The following ERC2 variants were observed in gnomAD, a reference collection of about 807,000 sequenced individuals.
ERC2 encodes the protein ERC protein 2.
A neutral mutation model predicts 114.8 loss-of-function variants in ERC2; 42 were observed. The observed-to-expected ratio is 0.37, with a 90% CI of 0.29 to 0.47. The LOEUF is 0.47. ERC2 is among the 20% of genes least tolerant of loss of function. ERC2 has a pLI of 0.99. For synonymous variants in ERC2, 454 were observed against 425.5 expected (o/e 1.07, Z -0.82); for missense variants, 939 against 1,150.7 (o/e 0.82, Z 2.66).
intron 15 of ERC2, among the ~76,000 whole-genome samples, chr3:55,716,373 T>A (rs892215540): frequency 1.3e-5 from 2 of 152,180 alleles, no homozygotes; most frequent in Admixed American, 1.3e-4. Context: ...TCAGCCTCCA[T>A]AACAGTTGGG....
intron 7 of ERC2, among the ~76,000 whole-genome samples, chr3:56,032,260 T>G (rs2149625609): frequency 6.6e-6 from 1 of 152,296 alleles, no homozygotes; most frequent in South Asian, 2.1e-4. Context: ...TATTCCTTGA[T>G]AGCAACACAA....
At chr3:56,446,455 G>T (rs2062566243) in intron 1 of ERC2, among the ~76,000 whole-genome samples, 1 of 151,978 alleles carries the variant, frequency 6.6e-6, no homozygotes, top group South Asian at 2.1e-4. Context: ...CATGAGGAAG[G>T]CTATATGTCC....
chr3:55,520,598 A>AT (rs1221581491), intron 17 of ERC2, among the ~76,000 whole-genome samples: 4 of 152,178 alleles, frequency 2.6e-5, no homozygotes, highest in African/African-American at 9.7e-5. Flanking sequence ...TTTCAGAAAA[A>AT]GAATACATAA....
At chr3:55,888,120 T>C (rs1421344077) in intron 14 of ERC2, among the ~76,000 whole-genome samples, 1 of 152,204 alleles carries the variant, frequency 6.6e-6, no homozygotes, top group Non-Finnish European at 1.5e-5. Context: ...AACAGATCTA[T>C]GAATCCCAGC....
intron 17 of ERC2, chr3:55,610,780 G>A (rs1276306032): frequency 6.6e-6 from 1 of 152,148 alleles, no homozygotes; most frequent in African/African-American, 2.4e-5. Flanking sequence ...CAAGAGTGAA[G>A]AAAAATGTAT....
chr3:56,390,706 G>A (rs1014929247), intron 2 of ERC2, among the ~76,000 whole-genome samples: 2 of 152,146 alleles, frequency 1.3e-5, no homozygotes, highest in East Asian at 3.8e-4. Context: ...CTTTGGTTTT[G>A]TTTTTAAGAG....
intron 7 of ERC2, among the ~76,000 whole-genome samples, chr3:56,056,141 A>G (rs1198659371): frequency 6.6e-6 from 1 of 152,142 alleles, no homozygotes; most frequent in Non-Finnish European, 1.5e-5. Context: ...ATCCTGTCTC[A>G]CCAGACCAAG....
At chr3:55,587,350 C>T in intron 17 of ERC2, among the ~76,000 whole-genome samples, 1 of 152,146 alleles carries the variant, frequency 6.6e-6, no homozygotes, top group African/African-American at 2.4e-5. Flanking sequence ...CTGCACCCAG[C>T]CTGCTTCTTT....
At chr3:55,715,436 G>C (rs1267187304) in intron 15 of ERC2, among the ~76,000 whole-genome samples, 1 of 152,130 alleles carries the variant, frequency 6.6e-6, no homozygotes, top group Admixed American at 6.5e-5. Flanking sequence ...ACAATGTATA[G>C]GCTAAAGTCA....
intron 15 of ERC2, among the ~76,000 whole-genome samples, chr3:55,715,403 TC>T (rs1180506763): frequency 6.6e-6 from 1 of 152,176 alleles, no homozygotes; most frequent in Non-Finnish European, 1.5e-5. Context: ...TCAGAAAATA[TC>T]TTTTAATAAT....
At chr3:55,568,372 T>A (rs1259048492) in intron 17 of ERC2, among the ~76,000 whole-genome samples, 1 of 152,132 alleles carries the variant, frequency 6.6e-6, no homozygotes, top group Non-Finnish European at 1.5e-5. Flanking sequence ...CAAGCAATAG[T>A]TAGCAGGCAT....
At chr3:55,655,031 A>T (rs1575965349) in intron 17 of ERC2, among the ~76,000 whole-genome samples, 1 of 152,112 alleles carries the variant, frequency 6.6e-6, no homozygotes, top group Non-Finnish European at 1.5e-5. Flanking sequence ...GCAGGTGAGG[A>T]GTGTGAGGGT....
chr3:56,361,401 G>T (rs1037603794), intron 2 of ERC2, among the ~76,000 whole-genome samples: 4 of 152,100 alleles, frequency 2.6e-5, no homozygotes, highest in African/African-American at 9.7e-5. Context: ...CAATATTTAG[G>T]ATTCTGAAGT....
chr3:55,554,120 T>C (rs1262819020), intron 17 of ERC2, among the ~76,000 whole-genome samples: 3 of 152,170 alleles, frequency 2.0e-5, no homozygotes, highest in Non-Finnish European at 4.4e-5. Flanking sequence ...CTTTGCATAA[T>C]TCTTTGCATA....
intron 7 of ERC2, among the ~76,000 whole-genome samples, chr3:56,033,063 A>AGAAAGAAAGAAAGAAAGAAAGAAG (rs1560058877): frequency 6.7e-6 from 1 of 149,154 alleles, no homozygotes; most frequent in African/African-American, 2.4e-5. Flanking sequence ...AAAGAAAGAA[A>AGAAAGAAAGAAAGAAAGAAAGAAG]GAAAGAAAGA....
chr3:56,440,390 T>C (rs2062235592), intron 1 of ERC2, among the ~76,000 whole-genome samples: 1 of 151,804 alleles, frequency 6.6e-6, no homozygotes, highest in Non-Finnish European at 1.5e-5. Flanking sequence ...AATAGTAAAG[T>C]ACAAAAAATT....
chr3:56,108,862 T>C (rs1427598795), intron 6 of ERC2, among the ~76,000 whole-genome samples: 1 of 152,056 alleles, frequency 6.6e-6, no homozygotes, highest in Non-Finnish European at 1.5e-5. Flanking sequence ...CAGGCTGACA[T>C]ACAGTCCCCA....
intron 17 of ERC2, among the ~76,000 whole-genome samples, chr3:55,681,506 C>T (rs997088195): frequency 6.6e-6 from 1 of 152,116 alleles, no homozygotes; most frequent in Non-Finnish European, 1.5e-5. Flanking sequence ...TAATGCAACT[C>T]AAAACATGCA....
In ERC2 at chr3:56,052,414, G is replaced by A. The variant is rs536104824; in HGVS notation, c.1641+28403C>T. On this transcript the variant is annotated intron_variant, in intron 7 of 17. Transcript: ENST00000288221. ...AACTCCCGCCCACAGGCCAGTTTCC[G>A]GCCCACCACCTGTTTTTGTAAACAG... Among the ~76,000 whole-genome samples the A allele has an allele frequency of 1.2e-4, 19 of 152,306 alleles. No homozygotes were observed. In the South Asian group the frequency reaches 2.9e-3, roughly 23 times the overall value.
Sources: gnomAD v4.1 joint callset for allele counts (sites outside exome capture counted in the v4.1 genomes callset) on GRCh38, gnomAD v4.1.1 for gene constraint, MANE v1.5 for transcripts, NCBI Gene and HGNC (gene_info 2026-07-23, HGNC 2026-07-21) for gene names.